Variants in SDS observed in about 807,000 individuals in gnomAD.
SDS encodes L-serine dehydratase/L-threonine deaminase.
Under a neutral mutation model 29.3 loss-of-function variants are expected in SDS, and 19 were observed. The observed-to-expected ratio is 0.65, with a 90% CI of 0.45 to 0.95. The LOEUF (loss-of-function observed/expected upper bound fraction) is 0.95. Among genes scored for constraint, SDS ranks in the 40% least tolerant of loss-of-function variants. SDS has a pLI of 0.00. For missense variants in SDS, 375 were observed against 439.9 expected, an observed-to-expected ratio of 0.85 and a Z score of 1.32; for synonymous variants, 176 against 189.0, an observed-to-expected ratio of 0.93 and a Z score of 0.56.
intron 5 of SDS, 52 bp downstream of exon 5, chr12:113,398,450 ATGCCTGCCCAGTG>A: frequency 1.0e-6 from 1 of 993,206 alleles, no homozygotes; most frequent in Admixed American, 2.2e-5. Flanking sequence ...CATCATAGCA[ATGCCTGCCCAGTG>A]ATATAGGGCA....
rs751111047 is a variant in SDS, at chr12:113,398,588, C to G, written c.352G>C (p.Glu118Gln). Residue 118 changes from glutamate (E) to glutamine (Q), a missense_variant, in exon 5 of 8, where the codon GAG (glutamate) becomes CAG (glutamine). Coordinates refer to ENST00000257549, the MANE Select transcript of SDS (RefSeq NM_006843.3). Reference sequence around the variant, plus strand: ...TTCTTCGCTAGGGCCTTGGCCAGCTCGAAGGCTTCATCCAATAACTGCAAA... The same window carrying G: ...TTCTTCGCTAGGGCCTTGGCCAGCTGGAAGGCTTCATCCAATAACTGCAAA... ...VVGELLDEAFELAKALAKNNP... is the reference protein window; with the variant it reads ...VVGELLDEAFQLAKALAKNNP... 13 of 1,594,442 alleles carry G rather than the reference C, an allele frequency of 8.2e-6. No homozygotes were observed. Among genetic ancestry groups the G allele is most frequent in the African/African-American group, 1.3e-5 (1 of 74,156 alleles).
At position 113,392,993 on chromosome 12, in the gene SDS, T is replaced by C; in HGVS notation, c.935A>G (p.Gln312Arg). 6.2e-7 allele frequency: 1 copy of C among 1,614,142 alleles called. No homozygotes were observed. Among genetic ancestry groups the C allele is most frequent in the Non-Finnish European group, 8.5e-7 (1 of 1,180,016 alleles). Reference sequence around the variant, plus strand: ...CAGCTGTTCCTTGAGCGCCCGCAGCTGGGCCAGGCTGATGTTGCTGCCCCC... The same window carrying C: ...CAGCTGTTCCTTGAGCGCCCGCAGCCGGGCCAGGCTGATGTTGCTGCCCCC... ...VCGGSNISLAQLRALKEQLGM... is the reference protein window; with the variant it reads ...VCGGSNISLARLRALKEQLGM... Residue 312 changes from glutamine (Q) to arginine (R), a missense_variant, in exon 8 of 8, where the codon CAG becomes CGG. Physicochemically the swap from Gln to Arg is conservative, Grantham distance 43. Coordinates refer to ENST00000257549, the MANE Select transcript of SDS (RefSeq NM_006843.3).
At chr12:113,395,215 C>T (rs752164921) in intron 6 of SDS, among the ~76,000 whole-genome samples, 5 of 152,082 alleles carry the variant, frequency 3.3e-5, no homozygotes, top group Non-Finnish European at 5.9e-5. Context: ...CTGGGGTGAC[C>T]ACTAGCTCTA....
intron 2 of SDS, 186 bp downstream of exon 2, chr12:113,399,370 C>G: frequency 9.2e-6 from 8 of 869,626 alleles, no homozygotes; most frequent in Non-Finnish European, 1.4e-5. Flanking sequence ...TGGGATCAGT[C>G]CCAAGGAACC....
In SDS at chr12:113,393,893, C is replaced by G. The variant is rs144112520; in HGVS notation, c.777G>C (p.Val259=). 6.2e-7 allele frequency: 1 copy of G among 1,614,054 alleles called. No individual in the cohort carries two copies. The highest frequency in any genetic ancestry group is 1.3e-5 in the African/African-American group (1 of 74,924). The change falls in exon 7 of 8, where the codon GTG becomes GTC. Residue 259 remains valine, a splice_region_variant and synonymous_variant. Coordinates refer to ENST00000257549, the MANE Select transcript of SDS (RefSeq NM_006843.3). The part of the protein sequence containing the change: ...QEAVAAIEKF[V]DDEKILVEPA... ...GTCATGGGAGGACCTGGCACATACC[C>G]ACGAACTTCTCAATGGCGGCCACAG...
chr12:113,398,018 T>A (rs1282946941), intron 5 of SDS, among the ~76,000 whole-genome samples: 1 of 151,934 alleles, frequency 6.6e-6, no homozygotes, highest in African/African-American at 2.4e-5. Flanking sequence ...TTTGGTGACA[T>A]GTGTGCACTT....
chr12:113,399,181 C>T, intron 2 of SDS, 30 bp from the exon 3 acceptor site: 1 of 1,612,106 alleles, frequency 6.2e-7, no homozygotes, highest in Non-Finnish European at 8.5e-7. Context: ...GGCACTCAGG[C>T]CCACCTCCCA....
At chr12:113,397,103 A>T (rs944301403) in intron 6 of SDS, 62 bp downstream of exon 6, 1 of 1,431,510 alleles carries the variant, frequency 7.0e-7, no homozygotes, top group Non-Finnish European at 9.8e-7. Context: ...TCTCAAAGCC[A>T]GCCCTAAGGG....
intron 5 of SDS, 117 bp downstream of exon 5, chr12:113,398,398 G>T: frequency 2.9e-6 from 2 of 691,148 alleles, no homozygotes; most frequent in Non-Finnish European, 5.1e-6. Context: ...GGTGGTGTGC[G>T]CACACATGTG....
rs139082262 is a variant in SDS, at chr12:113,402,049, A to G, written c.-3+1719T>C. Reference sequence around the variant, plus strand: ...AATGAGCCAGACATCCCTTGGTCAGAGGGAGAATGAGGGGTGGGGATTCCA... The same window carrying G: ...AATGAGCCAGACATCCCTTGGTCAGGGGGAGAATGAGGGGTGGGGATTCCA... On this transcript the variant is annotated intron_variant, in intron 1 of 7. Transcript: ENST00000257549. Among the ~76,000 whole-genome samples the G allele has an allele frequency of 2.2e-3, 337 of 152,258 alleles. 5 individuals carry two copies. The highest frequency in any genetic ancestry group is 0.018 in the Admixed American group (268 of 15,292).
At position 113,399,575 on chromosome 12, in the gene SDS, A is replaced by T. The variant is rs1325581877; in HGVS notation, c.134T>A (p.Ile45Asn). ...QPSGSFKIRG[I>N]GHFCKRWAKQ... is the part of the protein sequence containing the mutation. ...CCGTACCCTCTTGCAGAAGTGCCCA[A>T]TGCCCCGGATCTTGAAGGAGCCGGA... Residue 45 changes from isoleucine to asparagine, a missense_variant, in exon 2 of 8, where the codon ATT becomes AAT. Physicochemically the swap from Ile to Asn is moderately radical, Grantham distance 149. Transcript: ENST00000257549. 1 of 1,595,922 alleles carries T rather than the reference A, an allele frequency of 6.3e-7. No individual in the cohort carries two copies. Among genetic ancestry groups the T allele is most frequent in the Non-Finnish European group, 8.5e-7 (1 of 1,173,058 alleles).
At chr12:113,394,343 G>GTTTTTTTTTTTTTTTTTTTTTTTTTTTT (rs565900434) in intron 6 of SDS, among the ~76,000 whole-genome samples, 1 of 132,106 alleles carries the variant, frequency 7.6e-6, no homozygotes. Flanking sequence ...TTGTTTTTTT[G>GTTTTTTTTTTTTTTTTTTTTTTTTTTTT]TTTTTTTTTT....
chr12:113,397,004 C>T (rs987042615), intron 6 of SDS, 161 bp downstream of exon 6: 18 of 651,166 alleles, frequency 2.8e-5, no homozygotes, highest in African/African-American at 5.5e-5. Context: ...GGTTTGAGTC[C>T]AAGCTGTACC....
chr12:113,397,440 A>T, intron 5 of SDS, 48 bp from the exon 6 acceptor site: 1 of 1,488,096 alleles, frequency 6.7e-7, no homozygotes, highest in African/African-American at 1.4e-5. Flanking sequence ...GGCTTCCTGG[A>T]GACACCAGCT....
Position 113,399,347 on chromosome 12 carries a change from C to T in SDS, c.154-196G>A, listed in dbSNP as rs530077197. The T allele has an allele frequency of 1.0e-4, 85 of 830,028 alleles. No individual in the cohort carries two copies. The African/African-American group carries it at 1.1e-3, about 11-fold the overall frequency. The allele number at this position is 830,028 out of a possible 1,614,324, so 51.4% of individuals were successfully genotyped here. A position where few individuals can be genotyped will look rare whatever the true frequency, so the allele number is the denominator to read the frequency against. On this transcript the variant is annotated intron_variant, in intron 2 of 7. Coordinates refer to ENST00000257549, the MANE Select transcript of SDS (RefSeq NM_006843.3). ...TCAGGAAAGGGTGGAGGAAAATAGGCGACTGATGGCTCTGGGATCAGTCCC... is the reference window on the plus strand; with the variant it reads ...TCAGGAAAGGGTGGAGGAAAATAGGTGACTGATGGCTCTGGGATCAGTCCC...
At position 113,397,140 on chromosome 12, in the gene SDS, C is replaced by T. The variant is rs918771441; in HGVS notation, c.653+25G>A. The T allele has an allele frequency of 2.2e-5, 36 of 1,606,056 alleles. 1 individual carries two copies. Among genetic ancestry groups the T allele is most frequent in the Admixed American group, 2.0e-4 (12 of 59,882 alleles). On this transcript the variant is annotated intron_variant, in intron 6 of 7. Transcript: ENST00000257549. ...GACTCCCCAGTGCTTGCTGGACACC[C>T]GAGGGAGGCACCCCAGCTGCTCACC...
Position 113,397,326 on chromosome 12 carries a change from C to A in SDS, c.492G>T (p.Ala164=). ...GCAGGCCCCCGCCGCCCACTGACAG[C>A]GCGATGGCCCCCGGCTTTTCCCACA... The part of the protein sequence containing the change: ...ETLWEKPGAI[A]LSVGGGGLLC... Residue 164 remains alanine, a synonymous_variant, in exon 6 of 8, where the codon GCG becomes GCT. Transcript: ENST00000257549. 1.2e-6 allele frequency: 2 copies of A among 1,614,022 alleles called. No individual in the cohort carries two copies. Among genetic ancestry groups the A allele is most frequent in the Non-Finnish European group, 1.7e-6 (2 of 1,179,894 alleles).
At chr12:113,393,841 C>T in intron 7 of SDS, 51 bp downstream of exon 7, 1 of 1,610,536 alleles carries the variant, frequency 6.2e-7, no homozygotes, top group Non-Finnish European at 8.5e-7. Flanking sequence ...AGTGGACAGC[C>T]ACTTAGCGCC....
chr12:113,396,076 G>C (rs1381497228), intron 6 of SDS, among the ~76,000 whole-genome samples: 1 of 152,148 alleles, frequency 6.6e-6, no homozygotes, highest in African/African-American at 2.4e-5. Context: ...TCCAGCTTGG[G>C]CAACAAGAGC....
Sources: gnomAD v4.1 joint callset for allele counts (sites outside exome capture counted in the v4.1 genomes callset) on GRCh38, gnomAD v4.1.1 for gene constraint, MANE v1.5 for transcripts, NCBI Gene and HGNC (gene_info 2026-07-23, HGNC 2026-07-21) for gene names.